ITGB4: variants seen among roughly 807,000 people sequenced by gnomAD.
ITGB4 encodes the protein integrin beta-4.
In ITGB4, 159 loss-of-function variants were observed where a neutral mutation model predicts 207.6. That is an observed-to-expected ratio of 0.77 (90% confidence interval 0.67 to 0.87). The LOEUF (loss-of-function observed/expected upper bound fraction) is 0.87. Ranked by LOEUF, ITGB4 falls within the 40% of genes least tolerant of loss-of-function variation. The probability of loss-of-function intolerance (pLI) is 0.00; values close to 1 mark genes in which losing one functional copy is unlikely to be tolerated. For synonymous variants in ITGB4, 1,020 were observed against 1,062.7 expected, an observed-to-expected ratio of 0.96 and a Z score of 0.78; for missense variants, 2,278 against 2,546.8, an observed-to-expected ratio of 0.89 and a Z score of 2.27.
At chr17:75,723,674 G>T (rs1034410201) in intron 1 of ITGB4, among the ~76,000 whole-genome samples, 1 of 152,224 alleles carries the variant, frequency 6.6e-6, no homozygotes, top group African/African-American at 2.4e-5. Context: ...CCAGCACCTC[G>T]GGGACCCCAG....
At chr17:75,733,778 A>G (rs1307087432) in intron 13 of ITGB4, 86 bp downstream of exon 13, 1 of 1,415,836 alleles carries the variant, frequency 7.1e-7, no homozygotes, top group Non-Finnish European at 9.7e-7. Flanking sequence ...CCAGGTTGGG[A>G]GAGCCAGACT....
At position 75,757,113 on chromosome 17, in the gene ITGB4, C is replaced by T. The variant is rs752163695; in HGVS notation, c.5218+6C>T. 9 of 1,612,844 alleles carry T rather than the reference C, an allele frequency of 5.6e-6. No individual in the cohort carries two copies. Among genetic ancestry groups the T allele is most frequent in the South Asian group, 4.4e-5 (4 of 91,070 alleles). On this transcript the variant is annotated splice_donor_region_variant and intron_variant, in intron 38 of 39. Coordinates refer to ENST00000200181, the MANE Select transcript of ITGB4 (RefSeq NM_000213.5). ...CATAGAGTCCCAGGATGGAGGTAGG[C>T]ACCTGTCCTTTCCTTCACCCCCACC...
chr17:75,743,762 G>A lies in ITGB4; in HGVS notation c.3012G>A (p.Gly1004=), dbSNP rs1041951951. 12 of 1,613,394 alleles carry A rather than the reference G, an allele frequency of 7.4e-6. No homozygotes were observed. Among genetic ancestry groups the A allele is most frequent in the African/African-American group, 1.3e-5 (1 of 74,934 alleles). ...AGCCTGAGTTCTCGGTCAGCCGCGGGGACCAGGTGGCCCGCATCCCTGTCA... is the reference window on the plus strand; with the variant it reads ...AGCCTGAGTTCTCGGTCAGCCGCGGAGACCAGGTGGCCCGCATCCCTGTCA... ...FEQPEFSVSR[G]DQVARIPVIR... is the part of the protein sequence containing the mutation. The change falls in exon 26 of 40, where the codon GGG becomes GGA. Residue 1004 remains glycine (G), a synonymous_variant. Coordinates refer to ENST00000200181, the MANE Select transcript of ITGB4 (RefSeq NM_000213.5).
chr17:75,753,385 G>A (rs2061412470), intron 32 of ITGB4, among the ~76,000 whole-genome samples: 1 of 152,132 alleles, frequency 6.6e-6, no homozygotes, highest in Non-Finnish European at 1.5e-5. Context: ...CCTGGGAGGC[G>A]GGCAGGGGCA....
chr17:75,723,807 C>T lies in ITGB4; in HGVS notation c.-10-887C>T, dbSNP rs555853569. 1.2e-4 allele frequency among the ~76,000 whole-genome samples: 19 copies of T among 152,382 alleles called. No homozygotes were observed. In the South Asian group the frequency reaches 1.9e-3, roughly 15 times the overall value. On this transcript the variant is annotated intron_variant, in intron 1 of 39. Transcript: ENST00000200181. ...AGACCTGGCCCTAGAGAAAGAGGCG[C>T]GGTGCTCACCTTTGCCCCGGCCTTG... is the stretch of plus-strand genomic sequence containing the variant.
Position 75,750,127 on chromosome 17 carries a change from C to G in ITGB4, c.3333C>G (p.Ser1111Arg), listed in dbSNP as rs1166303061. The change falls in exon 28 of 40, where the codon AGC (serine) becomes AGG (arginine). Residue 1111 changes from serine to arginine, a missense_variant. Physicochemically the swap from Ser to Arg is moderately radical, Grantham distance 110. Transcript: ENST00000200181. The surrounding 1 kb of genome is among the most constrained non-coding windows in gnomAD (Gnocchi z 5.5). ...ACCCGTTAGATGAACTGGACCGGAG[C>G]TTCACGAGTCAGATGTTGTCATCAC... ...IIRDPDELDRSFTSQMLSSQP... is the reference protein window; with the variant it reads ...IIRDPDELDRRFTSQMLSSQP... 6.2e-7 allele frequency: 1 copy of G among 1,613,572 alleles called. No individual in the cohort carries two copies. Among genetic ancestry groups the G allele is most frequent in the Non-Finnish European group, 8.5e-7 (1 of 1,180,038 alleles).
rs1374542965 is a variant in ITGB4 at position 75,750,278 on chromosome 17, G to A, written c.3474+10G>A. The A allele has an allele frequency of 6.2e-7, 1 of 1,604,694 alleles. No individual in the cohort carries two copies. Among genetic ancestry groups the A allele is most frequent in the Non-Finnish European group, 8.5e-7 (1 of 1,174,004 alleles). The stretch of plus-strand genomic sequence containing the variant: ...GCCAATGGGGTACAGGGTAAGGCGG[G>A]GGGCTGAGGGTCACGACAGGTGGAT... On this transcript the variant is annotated intron_variant, in intron 28 of 39. Coordinates refer to ENST00000200181, the MANE Select transcript of ITGB4 (RefSeq NM_000213.5). The surrounding 1 kb of genome is among the most constrained non-coding windows in gnomAD (Gnocchi z 5.5).
chr17:75,750,669 C>T lies in ITGB4; in HGVS notation c.3475-11C>T, dbSNP rs778369070. On this transcript the variant is annotated splice_polypyrimidine_tract_variant and intron_variant, in intron 28 of 39. Coordinates refer to ENST00000200181, the MANE Select transcript of ITGB4 (RefSeq NM_000213.5). This position sits in a 1 kb window ranked among gnomAD's most constrained non-coding sequence, Gnocchi z 5.5. ...CTCCCTGCTGACCAGGACCCCTGTC[C>T]CTGGGGGTAGGTAAAGTACTGGATT... is the stretch of plus-strand genomic sequence containing the variant. 1 of 1,612,426 alleles carries T rather than the reference C, an allele frequency of 6.2e-7. No individual in the cohort carries two copies. The highest frequency in any genetic ancestry group is 8.5e-7 in the Non-Finnish European group (1 of 1,179,786).
intron 8 of ITGB4, 23 bp downstream of exon 8, chr17:75,730,527 G>C (rs2060829488): frequency 1.2e-6 from 2 of 1,612,986 alleles, no homozygotes; most frequent in South Asian, 1.1e-5. Context: ...GGTCCCACGG[G>C]TGGGAGGTGG....
Position 75,740,724 on chromosome 17 carries a change from G to A in ITGB4, c.2551-69G>A. 4 of 1,555,500 alleles carry A rather than the reference G, an allele frequency of 2.6e-6. No individual in the cohort carries two copies. In the East Asian group the frequency reaches 6.7e-5, roughly 26 times the overall value. On this transcript the variant is annotated intron_variant, in intron 21 of 39. Coordinates refer to ENST00000200181, the MANE Select transcript of ITGB4 (RefSeq NM_000213.5). The surrounding 1 kb of genome is among the most constrained non-coding windows in gnomAD (Gnocchi z 5.9). ...GGTACAGAGGCTGCCTGGCTCCCTG[G>A]GTCCCCAGCCTGAGGGCTTGCCACG...
chr17:75,736,106 A>G lies in ITGB4; in HGVS notation c.1713A>G (p.Pro571=). 1 of 1,614,186 alleles carries G rather than the reference A, an allele frequency of 6.2e-7. No individual in the cohort carries two copies. Among genetic ancestry groups the G allele is most frequent in the Non-Finnish European group, 8.5e-7 (1 of 1,180,030 alleles). Residue 571 remains proline, a synonymous_variant, in exon 14 of 40, where the codon CCA becomes CCG. Coordinates refer to ENST00000200181, the MANE Select transcript of ITGB4 (RefSeq NM_000213.5). ...TGTGTGAGCCTGGTTGGACAGGCCC[A>G]AGCTGTGACTGTCCCCTCAGCAATG... is the stretch of plus-strand genomic sequence containing the variant. The part of the protein sequence containing the change: ...QCVCEPGWTG[P]SCDCPLSNAT...
intron 2 of ITGB4, among the ~76,000 whole-genome samples, chr17:75,726,716 A>G (rs2060723680): frequency 6.6e-6 from 1 of 152,194 alleles, no homozygotes; most frequent in Admixed American, 6.5e-5. Context: ...TGGGCAACAG[A>G]GCAAGACTCG....
intron 26 of ITGB4, among the ~76,000 whole-genome samples, chr17:75,744,553 CT>C (rs1016449839): frequency 1.3e-5 from 2 of 152,130 alleles, no homozygotes; most frequent in Non-Finnish European, 2.9e-5. Context: ...GTCCAGGGGG[CT>C]TTGGGTTTCT....
At chr17:75,756,644 C>T in intron 36 of ITGB4, 27 bp downstream of exon 36, 1 of 1,612,888 alleles carries the variant, frequency 6.2e-7, no homozygotes, top group South Asian at 1.1e-5. Context: ...AGCCCCAGAG[C>T]TGCCCCCATC....
Position 75,750,012 on chromosome 17 carries a change from C to A in ITGB4, c.3317-99C>A. The A allele has an allele frequency of 6.8e-7, 1 of 1,474,936 alleles. No homozygotes were observed. Among genetic ancestry groups the A allele is most frequent in the Non-Finnish European group, 9.5e-7 (1 of 1,055,002 alleles). The allele number at this position is 1,474,936 out of a possible 1,614,324, so 91.4% of individuals were successfully genotyped here. ...CGGGTGGGCAGGTCTGAGTTGAATG[C>A]GCTGGGTAGAGCGCCCTGGGTGTTG... On this transcript the variant is annotated intron_variant, in intron 27 of 39. Transcript: ENST00000200181. This position sits in a 1 kb window ranked among gnomAD's most constrained non-coding sequence, Gnocchi z 5.5.
Position 75,729,224 on chromosome 17 carries a change from T to A in ITGB4, c.567-41T>A. 1 of 1,600,068 alleles carries A rather than the reference T, an allele frequency of 6.2e-7. No homozygotes were observed. The highest frequency in any genetic ancestry group is 8.6e-7 in the Non-Finnish European group (1 of 1,168,810). The stretch of plus-strand genomic sequence containing the variant: ...CAGGGGCACTGGGGTCTGCGGCGTC[T>A]TCCCCCTGTGACACTCTCTCTCCCT... On this transcript the variant is annotated intron_variant, in intron 6 of 39. Coordinates refer to ENST00000200181, the MANE Select transcript of ITGB4 (RefSeq NM_000213.5). The surrounding 1 kb of genome is among the most constrained non-coding windows in gnomAD (Gnocchi z 4.4).
chr17:75,746,863 A>G (rs1191955526), intron 26 of ITGB4, among the ~76,000 whole-genome samples: 2 of 135,092 alleles, frequency 1.5e-5, no homozygotes, highest in African/African-American at 5.5e-5. Context: ...CAGTAGGTGG[A>G]GGTTGCAGTT....
chr17:75,733,614 G>A lies in ITGB4; in HGVS notation c.1579G>A (p.Gly527Ser), dbSNP rs374033160. 37 of 1,614,034 alleles carry A rather than the reference G, an allele frequency of 2.3e-5. No homozygotes were observed. Among genetic ancestry groups the A allele is most frequent in the South Asian group, 6.6e-5 (6 of 91,096 alleles). The change falls in exon 13 of 40, where the codon GGC (glycine) becomes AGC (serine). Residue 527 changes from glycine to serine, a missense_variant. Transcript: ENST00000200181. ...CCAGTGCGGGCACTGTGTGTGCTAC[G>A]GCGAAGGCCGCTACGAGGGTCAGTT... ...ECQCGHCVCYGEGRYEGQFCE... is the reference protein window; with the variant it reads ...ECQCGHCVCYSEGRYEGQFCE...
At chr17:75,745,177 A>G (rs116488364) in intron 26 of ITGB4, among the ~76,000 whole-genome samples, 41,012 of 151,860 alleles carry the variant, frequency 0.27, 5,830 homozygotes, top group East Asian at 0.43. Flanking sequence ...AGAATCACTT[A>G]AACCCAGGAG....
Sources: gnomAD v4.1 joint callset for allele counts (sites outside exome capture counted in the v4.1 genomes callset) on GRCh38, gnomAD v4.1.1 for gene constraint, Gnocchi (gnomAD v3.1) non-coding constraint, MANE v1.5 for transcripts, NCBI Gene and HGNC (gene_info 2026-07-23, HGNC 2026-07-21) for gene names.